SLC44A5: variants seen among roughly 807,000 people sequenced by gnomAD.
SLC44A5 encodes choline transporter-like protein 5.
Under a neutral mutation model 101.8 loss-of-function variants are expected in SLC44A5, and 57 were observed. That is an observed-to-expected ratio of 0.56 (90% confidence interval 0.45 to 0.70). The LOEUF (loss-of-function observed/expected upper bound fraction) is 0.70. Ranked by LOEUF, SLC44A5 falls within the 30% of genes least tolerant of loss-of-function variation. The pLI is 0.00. For missense variants in SLC44A5, 737 were observed against 853.1 expected (o/e 0.86, Z 1.70); for synonymous variants, 281 against 290.9 (o/e 0.97, Z 0.35).
chr1:75,641,130 A>G, the SLC44A5 span, among the ~76,000 whole-genome samples: 3 of 152,146 alleles, frequency 2.0e-5, no homozygotes, highest in Non-Finnish European at 2.9e-5. Context: ...CAGAGATATG[A>G]CAAGATACTT....
At chr1:75,641,966 T>G in the SLC44A5 span, 10 of 1,594,752 alleles carry the variant, frequency 6.3e-6, no homozygotes, top group African/African-American at 1.3e-5. Flanking sequence ...AATCTGCCTT[T>G]CTGGTGGAGA....
intron 6 of SLC44A5, among the ~76,000 whole-genome samples, chr1:75,258,281 G>A (rs548708704): frequency 1.3e-5 from 2 of 152,262 alleles, no homozygotes; most frequent in South Asian, 4.1e-4. Context: ...AGAAAGCTAA[G>A]ATCCACTGGC....
intron 4 of SLC44A5, among the ~76,000 whole-genome samples, chr1:75,313,522 T>A (rs1505259): frequency 0.16 from 24,575 of 152,200 alleles, 2,182 homozygotes; most frequent in Middle Eastern, 0.29. Flanking sequence ...TGCTGTATTG[T>A]TGGCTTTAGT....
chr1:75,563,173 G>C (rs75588047), intron 1 of SLC44A5, among the ~76,000 whole-genome samples: 2,442 of 152,172 alleles, frequency 0.016, 73 homozygotes, highest in African/African-American at 0.056. Context: ...AAAAGAATTT[G>C]GGATGTAAAT....
intron 3 of SLC44A5, among the ~76,000 whole-genome samples, chr1:75,389,510 C>G (rs1272021144): frequency 6.6e-6 from 1 of 152,030 alleles, no homozygotes; most frequent in African/African-American, 2.4e-5. Flanking sequence ...TATATCAACG[C>G]CAAGAGGATT....
chr1:75,683,292 A>C, the SLC44A5 span, among the ~76,000 whole-genome samples: 1 of 152,170 alleles, frequency 6.6e-6, no homozygotes, highest in South Asian at 2.1e-4. Context: ...TGCTGCTATA[A>C]AGACACATGC....
chr1:75,550,253 G>A (rs1031377963), intron 1 of SLC44A5, among the ~76,000 whole-genome samples: 3 of 151,952 alleles, frequency 2.0e-5, no homozygotes, highest in African/African-American at 7.3e-5. Context: ...GAACATCATG[G>A]GTTAACCTTG....
At chr1:75,682,826 A>C in the SLC44A5 span, among the ~76,000 whole-genome samples, 1 of 152,034 alleles carries the variant, frequency 6.6e-6, no homozygotes, top group East Asian at 1.9e-4. Context: ...GCAACCTACA[A>C]AATGGGAGAA....
intron 2 of SLC44A5, among the ~76,000 whole-genome samples, chr1:75,407,715 A>G (rs967054350): frequency 4.6e-5 from 7 of 152,222 alleles, no homozygotes; most frequent in African/African-American, 1.7e-4. Flanking sequence ...TTAACTCAAG[A>G]TGGATTAAAG....
At chr1:75,541,676 A>G (rs1671362069) in intron 1 of SLC44A5, among the ~76,000 whole-genome samples, 160 bp from the exon 2 acceptor site, 1 of 152,174 alleles carries the variant, frequency 6.6e-6, no homozygotes, top group Non-Finnish European at 1.5e-5. Context: ...AATACCGCAG[A>G]TATTTTCTCT....
chr1:75,435,353 G>A (rs1174238280), intron 2 of SLC44A5, among the ~76,000 whole-genome samples: 1 of 152,128 alleles, frequency 6.6e-6, no homozygotes, highest in Non-Finnish European at 1.5e-5. Flanking sequence ...TGGAAATTAA[G>A]AATCCTGTCA....
At chr1:75,627,432 C>A in the SLC44A5 span, among the ~76,000 whole-genome samples, 1 of 152,048 alleles carries the variant, frequency 6.6e-6, no homozygotes, top group Non-Finnish European at 1.5e-5. Context: ...AATTCTAGCA[C>A]TTTAGGAGGC....
intron 1 of SLC44A5, among the ~76,000 whole-genome samples, chr1:75,576,016 A>T (rs1673340502): frequency 1.3e-5 from 2 of 152,052 alleles, no homozygotes; most frequent in South Asian, 4.1e-4. Context: ...CCAAAATGAG[A>T]ACGGTTGTCA....
At position 75,527,110 on chromosome 1, in the gene SLC44A5, C is replaced by T. The variant is rs188544874; in HGVS notation, c.13+14325G>A. Among the ~76,000 whole-genome samples, 304 of 141,962 alleles carry T rather than the reference C, an allele frequency of 2.1e-3. 6 individuals are homozygous for T. The highest frequency in any genetic ancestry group is 7.7e-4 in the Non-Finnish European group (51 of 66,510). The allele number at this position is 141,962 out of a possible 152,430, so 93.1% of individuals were successfully genotyped here. A position where few individuals can be genotyped will look rare whatever the true frequency, so the allele number is the denominator to read the frequency against. Reference sequence around the variant, plus strand: ...AGATTGCACCACTGCACTCCAGCCTCGGTGGCAGAGCAAGACACTGTCGCA... The same window carrying T: ...AGATTGCACCACTGCACTCCAGCCTTGGTGGCAGAGCAAGACACTGTCGCA... On this transcript the variant is annotated intron_variant, in intron 2 of 23. Transcript: ENST00000370859.
At chr1:75,459,140 T>A (rs1666353155) in intron 2 of SLC44A5, among the ~76,000 whole-genome samples, 1 of 152,066 alleles carries the variant, frequency 6.6e-6, no homozygotes, top group African/African-American at 2.4e-5. Flanking sequence ...AGATAATTTA[T>A]CCAGATGAAG....
At chr1:75,470,851 C>T (rs1002329821) in intron 2 of SLC44A5, among the ~76,000 whole-genome samples, 1 of 152,122 alleles carries the variant, frequency 6.6e-6, no homozygotes, top group African/African-American at 2.4e-5. Flanking sequence ...TTTTAAGCTA[C>T]GAGTATGGAC....
chr1:75,718,555 T>C, the SLC44A5 span, among the ~76,000 whole-genome samples: 3 of 152,132 alleles, frequency 2.0e-5, no homozygotes, highest in Non-Finnish European at 2.9e-5. Context: ...AGAAACACTC[T>C]AACGGGGATA....
intron 1 of SLC44A5, among the ~76,000 whole-genome samples, chr1:75,569,965 C>T (rs1672988551): frequency 1.3e-5 from 2 of 152,160 alleles, no homozygotes; most frequent in African/African-American, 4.8e-5. Context: ...TCATTTGGCA[C>T]CTGGTGCTTA....
Position 75,234,154 on chromosome 1 carries a change from C to G in SLC44A5, c.741-56G>C, listed in dbSNP as rs1647859799. 10 of 1,233,876 alleles carry G rather than the reference C, an allele frequency of 8.1e-6. No individual in the cohort carries two copies. In the South Asian group the frequency reaches 1.3e-4, roughly 16 times the overall value. 76.4% of individuals were successfully genotyped at this position (1,233,876 alleles called of 1,614,324 possible). On this transcript the variant is annotated intron_variant, in intron 11 of 23. Transcript: ENST00000370859. Reference sequence around the variant, plus strand: ...CAAGTGTGCTAAACACAGCATATTACAAACATCAAGACAAAACTTTTTTTC... The same window carrying G: ...CAAGTGTGCTAAACACAGCATATTAGAAACATCAAGACAAAACTTTTTTTC...
Sources: gnomAD v4.1 joint callset for allele counts (sites outside exome capture counted in the v4.1 genomes callset) on GRCh38, gnomAD v4.1.1 for gene constraint, MANE v1.5 for transcripts, NCBI Gene and HGNC (gene_info 2026-07-23, HGNC 2026-07-21) for gene names.